MTUS1: variants seen among roughly 807,000 people sequenced by gnomAD.
MTUS1 encodes microtubule associated scaffold protein 1.
MTUS1 carries 109 observed loss-of-function variants against 120.8 expected under a neutral mutation model. The ratio of observed to expected loss-of-function variants is 0.90; its 90% CI spans 0.77 to 1.06. The LOEUF (loss-of-function observed/expected upper bound fraction) is 1.06. Among genes scored for constraint, MTUS1 ranks in the 50% least tolerant of loss-of-function variants. The pLI is 0.00. For synonymous variants in MTUS1, 737 were observed against 550.5 expected, an observed-to-expected ratio of 1.34 and a Z score of -4.74; for missense variants, 2,210 against 1,486.3, an observed-to-expected ratio of 1.49 and a Z score of -8.01.
intron 8 of MTUS1, among the ~76,000 whole-genome samples, chr8:17,672,019 A>G (rs1040720852): frequency 1.3e-5 from 2 of 152,178 alleles, no homozygotes; most frequent in Non-Finnish European, 2.9e-5. Flanking sequence ...GTAACATCCA[A>G]CTAGGAGTGG....
At position 17,654,726 on chromosome 8, in the gene MTUS1, C is replaced by T. The variant is rs999165228; in HGVS notation, c.3109-60G>A. 75 of 1,196,456 alleles carry T rather than the reference C, an allele frequency of 6.3e-5. 2 individuals are homozygous for T. In the Middle Eastern group the frequency reaches 6.1e-3, roughly 97 times the overall value. 74.1% of individuals were successfully genotyped at this position (1,196,456 alleles called of 1,614,324 possible). On this transcript the variant is annotated intron_variant, in intron 9 of 14. Coordinates refer to ENST00000693296, the MANE Select transcript of MTUS1 (RefSeq NM_001363059.2). ...AAAACCAAATGTCCTAAGTTGAATA[C>T]GCAAAGCAACCACATTAGGAGACGT...
intron 8 of MTUS1, among the ~76,000 whole-genome samples, chr8:17,659,338 G>A (rs1277088609): frequency 6.6e-6 from 1 of 152,152 alleles, no homozygotes; most frequent in South Asian, 2.1e-4. Context: ...GATAGTTTAC[G>A]TCCAGTCAGG....
intron 12 of MTUS1, among the ~76,000 whole-genome samples, chr8:17,652,372 T>C (rs1443910191): frequency 6.6e-6 from 1 of 152,148 alleles, no homozygotes; most frequent in South Asian, 2.1e-4. Context: ...TTATACTAAG[T>C]AAACGACGCC....
intron 1 of MTUS1, among the ~76,000 whole-genome samples, chr8:17,794,651 T>A (rs75797881): frequency 0.02 from 2,980 of 152,316 alleles, 109 homozygotes; most frequent in African/African-American, 0.069. Flanking sequence ...AGGGTCACAG[T>A]AATAAGCAAA....
intron 1 of MTUS1, among the ~76,000 whole-genome samples, chr8:17,767,058 G>T (rs569391659): frequency 6.6e-6 from 1 of 152,040 alleles, no homozygotes; most frequent in Non-Finnish European, 1.5e-5. Flanking sequence ...ATCACATAGT[G>T]TGGGTGGGGA....
intron 8 of MTUS1, among the ~76,000 whole-genome samples, chr8:17,662,938 C>G (rs1324984961): frequency 6.6e-6 from 1 of 151,892 alleles, no homozygotes; most frequent in Non-Finnish European, 1.5e-5. Context: ...ACAAAAACAT[C>G]TCTAAAATGT....
chr8:17,657,252 G>A (rs1808513168), intron 8 of MTUS1, among the ~76,000 whole-genome samples: 1 of 151,916 alleles, frequency 6.6e-6, no homozygotes, highest in Admixed American at 6.6e-5. Flanking sequence ...AGGCACGGTG[G>A]TTTGTGCTAT....
At chr8:17,696,119 C>T (rs532058449) in intron 6 of MTUS1, among the ~76,000 whole-genome samples, 27 of 152,318 alleles carry the variant, frequency 1.8e-4, no homozygotes, top group African/African-American at 6.5e-4. Flanking sequence ...AGGGCTGCAG[C>T]GGCCCTGAGC....
intron 1 of MTUS1, among the ~76,000 whole-genome samples, chr8:17,756,676 C>CCCCCCCA (rs56822917): frequency 4.8e-5 from 3 of 62,484 alleles, no homozygotes; most frequent in Non-Finnish European, 8.5e-5. Flanking sequence ...CCCAAACCCC[C>CCCCCCCA]ACCCCTTATG....
chr8:17,696,174 C>T (rs538656944), intron 6 of MTUS1, among the ~76,000 whole-genome samples: 1 of 152,104 alleles, frequency 6.6e-6, no homozygotes, highest in African/African-American at 2.4e-5. Flanking sequence ...CTGCCTCCCC[C>T]CATTTACCGT....
chr8:17,728,659 G>A (rs1384723391), intron 3 of MTUS1, among the ~76,000 whole-genome samples: 1 of 152,162 alleles, frequency 6.6e-6, no homozygotes, highest in East Asian at 1.9e-4. Flanking sequence ...AACACAGGTG[G>A]GAAGAAGAAA....
intron 3 of MTUS1, among the ~76,000 whole-genome samples, chr8:17,724,931 G>T (rs917879555): frequency 6.6e-6 from 1 of 151,982 alleles, no homozygotes; most frequent in Admixed American, 6.6e-5. Context: ...TAGCTCCACT[G>T]TTTTATTTTT....
In MTUS1 at chr8:17,738,104, C is replaced by G. The variant is rs116352549; in HGVS notation, c.2287+5500G>C. ...TCTTGAAAGGAATTTACTTTATTAA[C>G]CCACAATAAACTCAACTGAAATAAA... On this transcript the variant is annotated intron_variant, in intron 3 of 14. Coordinates refer to ENST00000693296, the MANE Select transcript of MTUS1 (RefSeq NM_001363059.2). 7.2e-3 allele frequency among the ~76,000 whole-genome samples: 1,093 copies of G among 152,288 alleles called. 20 individuals are homozygous for G. Among genetic ancestry groups the G allele is most frequent in the African/African-American group, 0.024 (1,006 of 41,546 alleles).
At chr8:17,715,611 T>C (rs546386285) in intron 5 of MTUS1, among the ~76,000 whole-genome samples, 156 bp downstream of exon 5, 1 of 152,192 alleles carries the variant, frequency 6.6e-6, no homozygotes, top group Non-Finnish European at 1.5e-5. Context: ...AGAAAAACAA[T>C]TTCCTCAGTG....
chr8:17,681,011 G>A (rs1020962742), intron 7 of MTUS1, among the ~76,000 whole-genome samples: 2 of 151,856 alleles, frequency 1.3e-5, no homozygotes, highest in Non-Finnish European at 2.9e-5. Context: ...TTGGCTCACT[G>A]CCACCTCCAC....
chr8:17,744,512 C>A (rs2047581980), intron 2 of MTUS1, among the ~76,000 whole-genome samples: 1 of 152,048 alleles, frequency 6.6e-6, no homozygotes, highest in Non-Finnish European at 1.5e-5. Flanking sequence ...CCTCTGCCTC[C>A]CGGGTTCAAG....
At chr8:17,780,505 CA>C (rs1277185624) in intron 1 of MTUS1, among the ~76,000 whole-genome samples, 1 of 152,158 alleles carries the variant, frequency 6.6e-6, no homozygotes, top group Non-Finnish European at 1.5e-5. Context: ...TCCTGGTTTT[CA>C]ACAAAAGACA....
In MTUS1 at chr8:17,715,867, T is replaced by G. The variant is rs373040921; in HGVS notation, c.2484A>C (p.Lys828Asn). ...GNAAVIKYEE[K>N]PPKPAFQNGS... ...CATTCTGAAATGCTGGTTTTGGAGG[T>G]TTCTCCTCATATTTGATGACAGCGG... The change falls in exon 5 of 15, where the codon AAA becomes AAC. Residue 828 changes from lysine to asparagine, a missense_variant. By Grantham distance (94) the Lys-to-Asn change is moderately conservative. Coordinates refer to ENST00000693296, the MANE Select transcript of MTUS1 (RefSeq NM_001363059.2). 9 of 1,613,276 alleles carry G rather than the reference T, an allele frequency of 5.6e-6. No homozygotes were observed. Among genetic ancestry groups the G allele is most frequent in the Middle Eastern group, 1.6e-4 (1 of 6,080 alleles).
At chr8:17,690,176 G>GA (rs1402718886) in intron 6 of MTUS1, among the ~76,000 whole-genome samples, 2 of 151,964 alleles carry the variant, frequency 1.3e-5, no homozygotes, top group Admixed American at 6.6e-5. Context: ...CAACTAGCAA[G>GA]AAAAAATACA....
Sources: gnomAD v4.1 joint callset for allele counts (sites outside exome capture counted in the v4.1 genomes callset) on GRCh38, gnomAD v4.1.1 for gene constraint, MANE v1.5 for transcripts, NCBI Gene and HGNC (gene_info 2026-07-23, HGNC 2026-07-21) for gene names.